MAPK4: variants seen among roughly 807,000 people sequenced by gnomAD.
MAPK4 encodes mitogen-activated protein kinase 4, also known as Erk3-related.
A neutral mutation model predicts 47.7 loss-of-function variants in MAPK4; 22 were observed. That is an observed-to-expected ratio of 0.46 (90% CI 0.33 to 0.66). The LOEUF (loss-of-function observed/expected upper bound fraction) is 0.66, where lower values mean the gene tolerates loss of function less well. MAPK4 is among the 30% of genes least tolerant of loss of function. MAPK4 has a pLI of 0.02. For missense variants in MAPK4, 736 were observed against 831.7 expected (o/e 0.88, Z 1.42); for synonymous variants, 390 against 365.7 (o/e 1.07, Z -0.76).
At chr18:50,628,298 A>T (rs1440153873) in intron 1 of MAPK4, among the ~76,000 whole-genome samples, 1 of 152,206 alleles carries the variant, frequency 6.6e-6, no homozygotes, top group Non-Finnish European at 1.5e-5. Context: ...TTCCAAATCC[A>T]ACATCTGATC....
intron 3 of MAPK4, among the ~76,000 whole-genome samples, chr18:50,717,467 C>A (rs1250238834): frequency 6.6e-6 from 1 of 152,138 alleles, no homozygotes; most frequent in African/African-American, 2.4e-5. Flanking sequence ...GGCTACCCCA[C>A]ACTTCCATGT....
chr18:50,581,501 G>T (rs1471576448), intron 1 of MAPK4, among the ~76,000 whole-genome samples: 1 of 152,196 alleles, frequency 6.6e-6, no homozygotes, highest in African/African-American at 2.4e-5. Flanking sequence ...CTCTGAAATG[G>T]CATGGTCATT....
At chr18:50,708,534 C>A (rs138907453) in intron 2 of MAPK4, among the ~76,000 whole-genome samples, 10 of 152,344 alleles carry the variant, frequency 6.6e-5, no homozygotes, top group African/African-American at 2.4e-4. Context: ...GAAATGGAAT[C>A]TGCGCTTAAC....
At chr18:50,644,777 T>C (rs1216479998) in intron 1 of MAPK4, among the ~76,000 whole-genome samples, 1 of 152,070 alleles carries the variant, frequency 6.6e-6, no homozygotes, top group Non-Finnish European at 1.5e-5. Context: ...GGGAAGAGTA[T>C]GAGTGTTTGA....
Position 50,631,595 on chromosome 18 carries a change from G to A in MAPK4, c.-870-31494G>A, listed in dbSNP as rs148869739. Among the ~76,000 whole-genome samples, 18 of 152,256 alleles carry A rather than the reference G, an allele frequency of 1.2e-4. No individual in the cohort carries two copies. In the East Asian group the frequency reaches 2.9e-3, roughly 25 times the overall value. ...GTGGCTTTCTGCTCAGTCCAGGACCGTGTGCTTGCTCTGTCCTGCAAACTC... is the reference window on the plus strand; with the variant it reads ...GTGGCTTTCTGCTCAGTCCAGGACCATGTGCTTGCTCTGTCCTGCAAACTC... On this transcript the variant is annotated intron_variant, in intron 1 of 5. Coordinates refer to ENST00000400384, the MANE Select transcript of MAPK4 (RefSeq NM_002747.4).
At chr18:50,636,024 C>T (rs1447497024) in intron 1 of MAPK4, among the ~76,000 whole-genome samples, 1 of 152,236 alleles carries the variant, frequency 6.6e-6, no homozygotes, top group East Asian at 1.9e-4. Flanking sequence ...GCACTCCAGC[C>T]TCTCTTGCAC....
At chr18:50,660,312 G>A (rs2043156346) in intron 1 of MAPK4, among the ~76,000 whole-genome samples, 1 of 152,210 alleles carries the variant, frequency 6.6e-6, no homozygotes, top group South Asian at 2.1e-4. Context: ...AGCAGAATAT[G>A]TTACTAAGAG....
intron 2 of MAPK4, among the ~76,000 whole-genome samples, chr18:50,685,739 C>T (rs1908845625): frequency 6.6e-6 from 1 of 152,170 alleles, no homozygotes; most frequent in African/African-American, 2.4e-5. Flanking sequence ...CAAGGGAGGC[C>T]AGTGCTGTTT....
chr18:50,680,800 G>C (rs1437453705), intron 2 of MAPK4, among the ~76,000 whole-genome samples: 1 of 152,168 alleles, frequency 6.6e-6, no homozygotes, highest in East Asian at 1.9e-4. Flanking sequence ...TCATTGTTTG[G>C]ATATGTCACA....
intron 1 of MAPK4, among the ~76,000 whole-genome samples, chr18:50,568,197 A>G (rs541500125): frequency 4.1e-5 from 6 of 146,012 alleles, no homozygotes; most frequent in Non-Finnish European, 6.1e-5. Context: ...CGCTGTCCCA[A>G]AAAAAAAAAA....
At chr18:50,601,333 CAAAAA>C (rs35148592) in intron 1 of MAPK4, among the ~76,000 whole-genome samples, 3 of 53,194 alleles carry the variant, frequency 5.6e-5, no homozygotes, top group Non-Finnish European at 1.1e-4. Flanking sequence ...GACTCTATGT[CAAAAA>C]AAAAAAAAAA....
chr18:50,617,429 C>G (rs770854593), intron 1 of MAPK4, among the ~76,000 whole-genome samples: 8 of 152,020 alleles, frequency 5.3e-5, no homozygotes, highest in Non-Finnish European at 1.2e-4. Flanking sequence ...AGAAGGAAAA[C>G]CCCATGGTAT....
At chr18:50,648,336 G>T (rs906048351) in intron 1 of MAPK4, among the ~76,000 whole-genome samples, 5 of 152,184 alleles carry the variant, frequency 3.3e-5, no homozygotes, top group Non-Finnish European at 7.3e-5. Flanking sequence ...TGTGGCTGTG[G>T]TGTGGGGGGC....
At chr18:50,567,751 T>TGG (rs972612584) in intron 1 of MAPK4, among the ~76,000 whole-genome samples, 5 of 151,488 alleles carry the variant, frequency 3.3e-5, no homozygotes, top group African/African-American at 1.2e-4. Flanking sequence ...TGTGTGTGTG[T>TGG]GTGGGTGGGT....
chr18:50,579,159 C>A (rs537837039), intron 1 of MAPK4, among the ~76,000 whole-genome samples: 80 of 152,208 alleles, frequency 5.3e-4, no homozygotes, highest in African/African-American at 1.7e-3. Flanking sequence ...GATTTGCCTG[C>A]TCATTGCCTG....
chr18:50,604,698 G>A (rs1316796644), intron 1 of MAPK4, among the ~76,000 whole-genome samples: 1 of 152,240 alleles, frequency 6.6e-6, no homozygotes, highest in Non-Finnish European at 1.5e-5. Context: ...GTTTTGCTGA[G>A]TTTGGAGCAG....
At chr18:50,695,231 A>G (rs545495181) in intron 2 of MAPK4, among the ~76,000 whole-genome samples, 8 of 151,956 alleles carry the variant, frequency 5.3e-5, no homozygotes, top group African/African-American at 1.4e-4. Context: ...CTGTAATCCC[A>G]GCTACTCAGG....
chr18:50,568,910 C>A (rs764915576), intron 1 of MAPK4, among the ~76,000 whole-genome samples: 11 of 152,300 alleles, frequency 7.2e-5, no homozygotes, highest in Non-Finnish European at 1.3e-4. Context: ...AGTTATTTTT[C>A]AAATCTGCAA....
chr18:50,657,326 C>T (rs984463696), intron 1 of MAPK4, among the ~76,000 whole-genome samples: 5 of 152,138 alleles, frequency 3.3e-5, no homozygotes, highest in East Asian at 1.9e-4. Flanking sequence ...CCTGGGACTC[C>T]GGGAAATGTG....
Sources: gnomAD v4.1 joint callset for allele counts (sites outside exome capture counted in the v4.1 genomes callset) on GRCh38, gnomAD v4.1.1 for gene constraint, MANE v1.5 for transcripts, NCBI Gene and HGNC (gene_info 2026-07-23, HGNC 2026-07-21) for gene names.